Variants in GALNT18 observed in about 807,000 individuals in gnomAD.
The protein encoded by GALNT18 is GalNAc-transferase 18.
A neutral mutation model predicts 69.5 loss-of-function variants in GALNT18; 44 were observed. That is an observed-to-expected ratio of 0.63 (90% CI 0.50 to 0.81). The LOEUF (loss-of-function observed/expected upper bound fraction) is 0.81. Ranked by LOEUF, GALNT18 falls within the 40% of genes least tolerant of loss-of-function variation. The probability of loss-of-function intolerance (pLI) is 0.00; values close to 1 mark genes in which losing one functional copy is unlikely to be tolerated. For missense variants in GALNT18, 715 were observed against 810.0 expected (o/e 0.88, Z 1.42); for synonymous variants, 364 against 318.2 (o/e 1.14, Z -1.53).
chr11:11,334,634 C>T (rs1471278378), intron 7 of GALNT18, among the ~76,000 whole-genome samples: 1 of 152,128 alleles, frequency 6.6e-6, no homozygotes, highest in Non-Finnish European at 1.5e-5. Flanking sequence ...AAATTTGAAC[C>T]TGCTACAGCC....
intron 1 of GALNT18, among the ~76,000 whole-genome samples, chr11:11,498,819 G>T (rs1350243479): frequency 1.3e-5 from 2 of 152,158 alleles, no homozygotes; most frequent in African/African-American, 4.8e-5. Flanking sequence ...ATAAATAAAA[G>T]AAGGGAAGTG....
Position 11,463,239 on chromosome 11 carries a change from G to C in GALNT18, c.236-14303C>G, listed in dbSNP as rs566652318. 2.0e-5 allele frequency among the ~76,000 whole-genome samples: 3 copies of C among 152,200 alleles called. No individual in the cohort carries two copies. Among genetic ancestry groups the C allele is most frequent in the African/African-American group, 7.2e-5 (3 of 41,526 alleles). On this transcript the variant is annotated intron_variant, in intron 1 of 10. Coordinates refer to ENST00000227756, the MANE Select transcript of GALNT18 (RefSeq NM_198516.3). The surrounding 1 kb of genome is among the most constrained non-coding windows in gnomAD (Gnocchi z 4.2). ...ACACACACACACAGAGAGAGAGAGA[G>C]AGAGTTCCAGAAGCCCGCAGCAGCC...
intron 9 of GALNT18, among the ~76,000 whole-genome samples, chr11:11,316,713 A>C (rs1195100666): frequency 6.6e-6 from 1 of 152,254 alleles, no homozygotes; most frequent in Non-Finnish European, 1.5e-5. Context: ...ACAGTCTAGT[A>C]AATTTAGGCA....
intron 8 of GALNT18, among the ~76,000 whole-genome samples, chr11:11,330,255 G>T (rs76693736): frequency 6.6e-6 from 1 of 152,148 alleles, no homozygotes; most frequent in African/African-American, 2.4e-5. Context: ...TGTCATTTGG[G>T]CATGAGTTGG....
chr11:11,401,842 G>C (rs1854474900), intron 3 of GALNT18, among the ~76,000 whole-genome samples: 1 of 152,182 alleles, frequency 6.6e-6, no homozygotes, highest in Admixed American at 6.5e-5. Flanking sequence ...TACAACAATA[G>C]ATCCATAAGC....
At chr11:11,524,333 T>C (rs1489507752) in intron 1 of GALNT18, among the ~76,000 whole-genome samples, 5 of 152,226 alleles carry the variant, frequency 3.3e-5, no homozygotes, top group Non-Finnish European at 7.3e-5. Flanking sequence ...TATATTATAA[T>C]TCTCATTTAT....
At chr11:11,336,363 T>A (rs1325269924) in intron 7 of GALNT18, among the ~76,000 whole-genome samples, 1 of 152,128 alleles carries the variant, frequency 6.6e-6, no homozygotes, top group Non-Finnish European at 1.5e-5. Context: ...AGGCCTCAGC[T>A]TAGAAGGCAA....
rs1377421662 is a variant in GALNT18, at chr11:11,444,350, A to G, written c.428+4394T>C. ...GCCTTACTAAAAGCCTGCGAGGACA[A>G]GTCCTCCCCGCCACGGAGCCTGGGA... On this transcript the variant is annotated intron_variant, in intron 2 of 10. Transcript: ENST00000227756. This position sits in a 1 kb window ranked among gnomAD's most constrained non-coding sequence, Gnocchi z 4.4. 2.6e-5 allele frequency among the ~76,000 whole-genome samples: 4 copies of G among 152,196 alleles called. No homozygotes were observed. The highest frequency in any genetic ancestry group is 5.9e-5 in the Non-Finnish European group (4 of 68,024).
intron 3 of GALNT18, among the ~76,000 whole-genome samples, chr11:11,424,626 C>T (rs1026856418): frequency 1.3e-5 from 2 of 152,130 alleles, no homozygotes; most frequent in African/African-American, 4.8e-5. Flanking sequence ...ACACTGGTCA[C>T]CTTGGCTAGT....
chr11:11,440,321 C>T (rs900059663), intron 2 of GALNT18, among the ~76,000 whole-genome samples: 1 of 152,162 alleles, frequency 6.6e-6, no homozygotes, highest in Non-Finnish European at 1.5e-5. Flanking sequence ...TGAACAGCCA[C>T]CCAGGGAACA....
rs543876950 is a variant in GALNT18, at chr11:11,619,593, C to T, written c.235+1766G>A. The stretch of plus-strand genomic sequence containing the variant: ...AAGAAAAGCACAAGAGAATCATTTT[C>T]CAGGAACACACACACACACAGAATC... On this transcript the variant is annotated intron_variant, in intron 1 of 10. Transcript: ENST00000227756. This position sits in a 1 kb window ranked among gnomAD's most constrained non-coding sequence, Gnocchi z 4.9. Among the ~76,000 whole-genome samples the T allele has an allele frequency of 6.6e-6, 1 of 152,162 alleles. No individual in the cohort carries two copies. The highest frequency in any genetic ancestry group is 6.5e-5 in the Admixed American group (1 of 15,284).
rs1857904063 is a variant in GALNT18, at chr11:11,540,923, A to G, written c.235+80436T>C. 1.3e-5 allele frequency among the ~76,000 whole-genome samples: 2 copies of G among 152,114 alleles called. No individual in the cohort carries two copies. The highest frequency in any genetic ancestry group is 4.2e-4 in the South Asian group (2 of 4,818). Reference sequence around the variant, plus strand: ...TAGAAAATCCTCCCAGCCTATATTAACCCTGTAAACTGCATCCAAATTGCT... The same window carrying G: ...TAGAAAATCCTCCCAGCCTATATTAGCCCTGTAAACTGCATCCAAATTGCT... On this transcript the variant is annotated intron_variant, in intron 1 of 10. Coordinates refer to ENST00000227756, the MANE Select transcript of GALNT18 (RefSeq NM_198516.3). The surrounding 1 kb of genome is among the most constrained non-coding windows in gnomAD (Gnocchi z 4.6).
chr11:11,307,578 A>G (rs1849600462), intron 9 of GALNT18, among the ~76,000 whole-genome samples: 1 of 152,152 alleles, frequency 6.6e-6, no homozygotes, highest in Admixed American at 6.5e-5. Context: ...GCCCACCTCA[A>G]CCATCACAAT....
intron 10 of GALNT18, among the ~76,000 whole-genome samples, chr11:11,280,512 CCT>C (rs1849049987): frequency 6.6e-6 from 1 of 152,116 alleles, no homozygotes; most frequent in East Asian, 1.9e-4. Context: ...CTTGAGCTCC[CCT>C]GAGGCTTCCC....
chr11:11,419,657 T>C (rs1448838462), intron 3 of GALNT18, among the ~76,000 whole-genome samples: 1 of 103,706 alleles, frequency 9.6e-6, no homozygotes, highest in African/African-American at 3.6e-5. Flanking sequence ...AACTTTAACA[T>C]AAAAAATACA....
intron 6 of GALNT18, among the ~76,000 whole-genome samples, chr11:11,371,161 C>G (rs774933753): frequency 6.6e-6 from 1 of 152,190 alleles, no homozygotes; most frequent in Non-Finnish European, 1.5e-5. Flanking sequence ...CTCATGTCGC[C>G]AGTCCTCAAA....
chr11:11,376,388 A>AAAAACAAAAACG (rs1304983102), intron 5 of GALNT18, among the ~76,000 whole-genome samples: 1 of 152,152 alleles, frequency 6.6e-6, no homozygotes, highest in Non-Finnish European at 1.5e-5. Flanking sequence ...TCTCAAAAAC[A>AAAAACAAAAACG]AAAACAAACA....
intron 5 of GALNT18, among the ~76,000 whole-genome samples, chr11:11,376,501 G>A (rs1161810292): frequency 6.6e-6 from 1 of 152,224 alleles, no homozygotes; most frequent in Non-Finnish European, 1.5e-5. Context: ...GAAGATGGCA[G>A]CAAAGGCAGG....
rs1389524143 is a variant in GALNT18 at position 11,590,594 on chromosome 11, T to C, written c.235+30765A>G. On this transcript the variant is annotated intron_variant, in intron 1 of 10. Coordinates refer to ENST00000227756, the MANE Select transcript of GALNT18 (RefSeq NM_198516.3). The surrounding 1 kb of genome is among the most constrained non-coding windows in gnomAD (Gnocchi z 4.4). ...ACTTGCTTTTGAATCTGTTTCCTCA[T>C]TGATAAAATGAGCATGTTACTGTCT... Among the ~76,000 whole-genome samples the C allele has an allele frequency of 6.6e-6, 1 of 152,222 alleles. No individual in the cohort carries two copies. The highest frequency in any genetic ancestry group is 1.9e-4 in the East Asian group (1 of 5,198).
Sources: allele counts gnomAD v4.1 joint callset (sites outside exome capture counted in the v4.1 genomes callset), GRCh38; gene constraint gnomAD v4.1.1; non-coding constraint Gnocchi (gnomAD v3.1); transcripts MANE v1.5; gene names NCBI Gene and HGNC (gene_info 2026-07-23, HGNC 2026-07-21).